RPS6KC1: variants seen among roughly 807,000 people sequenced by gnomAD.
RPS6KC1 encodes the protein ribosomal protein S6 kinase C1.
In RPS6KC1, 54 loss-of-function variants were observed where a neutral mutation model predicts 103.8. The observed-to-expected ratio is 0.52, with a 90% CI of 0.42 to 0.65. The LOEUF (loss-of-function observed/expected upper bound fraction) is 0.65. Ranked by LOEUF, RPS6KC1 falls within the 30% of genes least tolerant of loss-of-function variation. RPS6KC1 has a pLI of 0.00. For synonymous variants in RPS6KC1, 439 were observed against 438.7 expected (o/e 1.00, Z -0.01); for missense variants, 1,151 against 1,253.8 (o/e 0.92, Z 1.24).
the RPS6KC1 span, among the ~76,000 whole-genome samples, chr1:213,434,793 T>C: frequency 6.7e-6 from 1 of 150,238 alleles, no homozygotes; most frequent in East Asian, 2.0e-4. Flanking sequence ...TTTTTTTTTC[T>C]TCTGATTGCT....
chr1:213,678,562 A>G, the RPS6KC1 span, among the ~76,000 whole-genome samples: 2 of 152,204 alleles, frequency 1.3e-5, no homozygotes, highest in African/African-American at 4.8e-5. Flanking sequence ...CAAACTTCCC[A>G]CACCTGGCTG....
chr1:213,680,225 C>T, the RPS6KC1 span, among the ~76,000 whole-genome samples: 1 of 152,066 alleles, frequency 6.6e-6, no homozygotes, highest in Non-Finnish European at 1.5e-5. Flanking sequence ...AGAGAAGTAC[C>T]CCTGAAGCTT....
the RPS6KC1 span, among the ~76,000 whole-genome samples, chr1:213,477,312 G>A: frequency 2.6e-5 from 4 of 151,108 alleles, no homozygotes; most frequent in Admixed American, 1.3e-4. Context: ...TTATTAAATC[G>A]GGCTTGCAAT....
At chr1:213,762,376 A>G in the RPS6KC1 span, among the ~76,000 whole-genome samples, 1 of 152,060 alleles carries the variant, frequency 6.6e-6, no homozygotes, top group African/African-American at 2.4e-5. Flanking sequence ...ACACATCTTT[A>G]CTTCACAGCT....
chr1:213,597,678 A>G, the RPS6KC1 span, among the ~76,000 whole-genome samples: 119 of 152,202 alleles, frequency 7.8e-4, no homozygotes, highest in Non-Finnish European at 1.3e-3. Context: ...CTTCTCAGTG[A>G]CAGAGGCGGC....
chr1:213,237,160 A>G lies in RPS6KC1; in HGVS notation c.1226-3542A>G, dbSNP rs561699486. On this transcript the variant is annotated intron_variant, in intron 10 of 14. Transcript: ENST00000366960. ...AAAGTGTACCTTGGACGCCTTTAGT[A>G]TATCTTTATGAGTATATTTAGGTCC... is the stretch of plus-strand genomic sequence containing the variant. Among the ~76,000 whole-genome samples the G allele has an allele frequency of 2.1e-3, 316 of 152,158 alleles. 1 individual carries two copies. The highest frequency in any genetic ancestry group is 7.2e-3 in the African/African-American group (301 of 41,534).
chr1:213,435,323 G>T, the RPS6KC1 span, among the ~76,000 whole-genome samples: 1 of 152,084 alleles, frequency 6.6e-6, no homozygotes, highest in East Asian at 1.9e-4. Flanking sequence ...TCTAACATTT[G>T]TGTCAGTTCT....
At chr1:213,589,937 T>TGG in the RPS6KC1 span, among the ~76,000 whole-genome samples, 991 of 119,590 alleles carry the variant, frequency 8.3e-3, 8 homozygotes, top group East Asian at 0.035. Flanking sequence ...CAAAAGGTAG[T>TGG]GGTGTGTGTG....
At chr1:213,695,007 C>T in the RPS6KC1 span, among the ~76,000 whole-genome samples, 1 of 152,110 alleles carries the variant, frequency 6.6e-6, no homozygotes, top group Non-Finnish European at 1.5e-5. Flanking sequence ...ATCAGGGCAG[C>T]AAACCTGAAA....
chr1:213,102,976 A>C (rs548927740), intron 3 of RPS6KC1, among the ~76,000 whole-genome samples: 2 of 151,994 alleles, frequency 1.3e-5, no homozygotes, highest in Non-Finnish European at 2.9e-5. Context: ...GGAGGCCTAG[A>C]TGGGAGGATC....
At chr1:213,501,631 A>T in the RPS6KC1 span, among the ~76,000 whole-genome samples, 900 of 151,976 alleles carry the variant, frequency 5.9e-3, 8 homozygotes, top group African/African-American at 0.021. Flanking sequence ...GCTATTTGGG[A>T]GGCTGAGGCA....
chr1:213,512,461 C>G, the RPS6KC1 span, among the ~76,000 whole-genome samples: 1 of 152,162 alleles, frequency 6.6e-6, no homozygotes, highest in Non-Finnish European at 1.5e-5. Flanking sequence ...ATAAAAGTCA[C>G]ACAGCTCTCC....
the RPS6KC1 span, among the ~76,000 whole-genome samples, chr1:213,658,963 TC>T: frequency 6.6e-6 from 1 of 152,096 alleles, no homozygotes; most frequent in Non-Finnish European, 1.5e-5. Flanking sequence ...TCTTTTCTTT[TC>T]TTTTTTTTCT....
intron 8 of RPS6KC1, among the ~76,000 whole-genome samples, chr1:213,214,525 G>A (rs1000238829): frequency 2.0e-5 from 3 of 152,226 alleles, no homozygotes; most frequent in African/African-American, 2.4e-5. Flanking sequence ...TTTGAAGAGA[G>A]TAGTGGTTCT....
At chr1:213,293,998 C>T in the RPS6KC1 span, among the ~76,000 whole-genome samples, 2 of 152,196 alleles carry the variant, frequency 1.3e-5, no homozygotes, top group African/African-American at 4.8e-5. Flanking sequence ...TTTGTTTATA[C>T]TGAGCTTGAA....
At chr1:213,293,315 TATA>T in the RPS6KC1 span, among the ~76,000 whole-genome samples, 1 of 152,216 alleles carries the variant, frequency 6.6e-6, no homozygotes, top group Non-Finnish European at 1.5e-5. Context: ...TTTCCTTCTG[TATA>T]TATAACCTAT....
the RPS6KC1 span, among the ~76,000 whole-genome samples, chr1:213,550,740 A>C: frequency 1.3e-5 from 2 of 152,198 alleles, no homozygotes; most frequent in Non-Finnish European, 2.9e-5. Context: ...TTCCAAAATG[A>C]TGGATGGTAA....
At chr1:213,456,365 G>C in the RPS6KC1 span, among the ~76,000 whole-genome samples, 2 of 152,146 alleles carry the variant, frequency 1.3e-5, no homozygotes, top group African/African-American at 4.8e-5. Flanking sequence ...ACCAGCCCCT[G>C]GCTGTGTCCT....
At chr1:213,484,623 T>C in the RPS6KC1 span, among the ~76,000 whole-genome samples, 7 of 152,226 alleles carry the variant, frequency 4.6e-5, no homozygotes, top group Non-Finnish European at 7.3e-5. Flanking sequence ...AGTTAGTCAA[T>C]CAACCCACAT....
Sources: gnomAD v4.1 joint callset for allele counts (sites outside exome capture counted in the v4.1 genomes callset) on GRCh38, gnomAD v4.1.1 for gene constraint, MANE v1.5 for transcripts, NCBI Gene and HGNC (gene_info 2026-07-23, HGNC 2026-07-21) for gene names.